RIT2: variants seen among roughly 807,000 people sequenced by gnomAD.
The protein encoded by RIT2 is Ras like without CAAX 2.
RIT2 carries 24 observed loss-of-function variants against 23.7 expected under a neutral mutation model. The observed-to-expected ratio is 1.01, with a 90% CI of 0.73 to 1.43. The LOEUF (loss-of-function observed/expected upper bound fraction) is 1.43. Ranked by LOEUF, RIT2 falls within the 40% of genes most tolerant of loss-of-function variation. RIT2 has a pLI of 0.00. For synonymous variants in RIT2, 107 were observed against 91.1 expected, an observed-to-expected ratio of 1.17 and a Z score of -0.99; for missense variants, 236 against 266.9, an observed-to-expected ratio of 0.88 and a Z score of 0.81.
chr18:42,959,414 T>C (rs1315640931), intron 3 of RIT2, among the ~76,000 whole-genome samples: 1 of 152,224 alleles, frequency 6.6e-6, no homozygotes, highest in Non-Finnish European at 1.5e-5. Context: ...TAACAAGTAC[T>C]ATACTATCAC....
At chr18:42,985,585 G>GAATCATTTTTTA (rs771629437) in intron 2 of RIT2, among the ~76,000 whole-genome samples, 28 of 152,034 alleles carry the variant, frequency 1.8e-4, no homozygotes, top group Non-Finnish European at 3.5e-4. Context: ...ACATACTTAT[G>GAATCATTTTTTA]AATCATTTTT....
At chr18:43,082,696 A>AAC (rs1568076753) in intron 1 of RIT2, among the ~76,000 whole-genome samples, 1 of 152,088 alleles carries the variant, frequency 6.6e-6, no homozygotes, top group African/African-American at 2.4e-5. Flanking sequence ...TGCAAAAAAA[A>AAC]ACACACAATA....
At chr18:42,842,575 G>A (rs1053015059) in intron 4 of RIT2, among the ~76,000 whole-genome samples, 8 of 152,064 alleles carry the variant, frequency 5.3e-5, no homozygotes, top group African/African-American at 1.9e-4. Context: ...CATAAGCAGA[G>A]CTAAGACTTT....
At position 42,862,363 on chromosome 18, in the gene RIT2, C is replaced by G. The variant is rs142095008; in HGVS notation, c.426+61209G>C. Among the ~76,000 whole-genome samples, 196 of 152,238 alleles carry G rather than the reference C, an allele frequency of 1.3e-3. 1 individual carries two copies. The highest frequency in any genetic ancestry group is 4.3e-3 in the African/African-American group (179 of 41,546). On this transcript the variant is annotated intron_variant, in intron 4 of 4. Transcript: ENST00000326695. ...CTGAGGCCTCCCCAGCCATGTGGACCTGTGAGTCAATTAAACCTTTTTCAT... is the reference window on the plus strand; with the variant it reads ...CTGAGGCCTCCCCAGCCATGTGGACGTGTGAGTCAATTAAACCTTTTTCAT...
At chr18:42,826,185 C>T (rs1308096531) in intron 4 of RIT2, among the ~76,000 whole-genome samples, 4 of 151,912 alleles carry the variant, frequency 2.6e-5, no homozygotes, top group African/African-American at 9.7e-5. Flanking sequence ...ACAAAAAATC[C>T]TAATTGGGTT....
intron 4 of RIT2, among the ~76,000 whole-genome samples, chr18:42,789,915 T>G (rs1257253863): frequency 6.6e-6 from 1 of 152,214 alleles, no homozygotes; most frequent in African/African-American, 2.4e-5. Context: ...TTAGAGGGAA[T>G]GCTTTCAACT....
intron 4 of RIT2, among the ~76,000 whole-genome samples, chr18:42,746,939 C>T (rs535603580): frequency 2.0e-5 from 3 of 152,106 alleles, no homozygotes; most frequent in African/African-American, 4.8e-5. Flanking sequence ...AACTCACAGC[C>T]GATGTAGCAC....
intron 4 of RIT2, among the ~76,000 whole-genome samples, chr18:42,872,710 T>C (rs539903791): frequency 6.6e-6 from 1 of 152,228 alleles, no homozygotes; most frequent in East Asian, 1.9e-4. Context: ...AAAGCACTTT[T>C]ATTTTTAAAT....
At chr18:43,034,133 A>G (rs775941378) in intron 1 of RIT2, among the ~76,000 whole-genome samples, 2 of 152,144 alleles carry the variant, frequency 1.3e-5, no homozygotes, top group Non-Finnish European at 2.9e-5. Flanking sequence ...GTAAAAATAA[A>G]GAAGCTCTTG....
intron 4 of RIT2, among the ~76,000 whole-genome samples, chr18:42,768,170 C>T (rs1448212592): frequency 6.6e-6 from 1 of 151,846 alleles, no homozygotes; most frequent in Admixed American, 6.6e-5. Context: ...ATTTATGCTC[C>T]TCACCCTCAC....
chr18:42,925,996 T>G (rs1909171354), intron 3 of RIT2, among the ~76,000 whole-genome samples: 1 of 151,828 alleles, frequency 6.6e-6, no homozygotes, highest in Admixed American at 6.6e-5. Context: ...GATGGCCTCC[T>G]TTTATTCTTA....
chr18:43,033,611 G>C (rs1911907387), intron 2 of RIT2, among the ~76,000 whole-genome samples, 200 bp downstream of exon 2: 1 of 152,096 alleles, frequency 6.6e-6, no homozygotes, highest in Non-Finnish European at 1.5e-5. Context: ...GATAATACCA[G>C]ACTACCCGGC....
chr18:42,911,572 T>C (rs1281752209), intron 4 of RIT2, among the ~76,000 whole-genome samples: 1 of 152,044 alleles, frequency 6.6e-6, no homozygotes, highest in Non-Finnish European at 1.5e-5. Flanking sequence ...TATATACATA[T>C]CTTACAACAT....
At chr18:42,845,188 A>G (rs1906873988) in intron 4 of RIT2, among the ~76,000 whole-genome samples, 1 of 152,054 alleles carries the variant, frequency 6.6e-6, no homozygotes, top group East Asian at 1.9e-4. Context: ...AATAAAATGG[A>G]AGAGATTTTT....
chr18:42,908,389 A>G (rs1908679536), intron 4 of RIT2, among the ~76,000 whole-genome samples: 1 of 152,184 alleles, frequency 6.6e-6, no homozygotes. Flanking sequence ...TCAAATAAAT[A>G]CTGGCTGAAA....
intron 1 of RIT2, among the ~76,000 whole-genome samples, chr18:43,114,123 C>T (rs980417528): frequency 3.3e-5 from 5 of 152,080 alleles, no homozygotes; most frequent in African/African-American, 7.2e-5. Context: ...CTCATTTATA[C>T]ACAATTACAA....
chr18:42,867,512 G>T (rs932764052), intron 4 of RIT2, among the ~76,000 whole-genome samples: 1 of 152,066 alleles, frequency 6.6e-6, no homozygotes, highest in African/African-American at 2.4e-5. Flanking sequence ...AATGCTATTG[G>T]AAGGGCATAG....
chr18:43,041,542 A>G lies in RIT2; in HGVS notation c.104-7675T>C, dbSNP rs568931055. ...TAAATGTAGTGTTTCCAAGGACTTT[A>G]TAAAATATTCATTAAGTACATATAA... On this transcript the variant is annotated intron_variant, in intron 1 of 4. Transcript: ENST00000326695. 2.6e-5 allele frequency among the ~76,000 whole-genome samples: 4 copies of G among 152,294 alleles called. No homozygotes were observed. In the East Asian group the frequency reaches 5.8e-4, roughly 22 times the overall value.
chr18:43,083,244 G>C (rs1384637201), intron 1 of RIT2, among the ~76,000 whole-genome samples: 1 of 151,998 alleles, frequency 6.6e-6, no homozygotes, highest in Non-Finnish European at 1.5e-5. Context: ...ACAAACAAAT[G>C]GAAAAACATT....
Sources: allele counts gnomAD v4.1 joint callset (sites outside exome capture counted in the v4.1 genomes callset), GRCh38; gene constraint gnomAD v4.1.1; transcripts MANE v1.5; gene names NCBI Gene and HGNC (gene_info 2026-07-23, HGNC 2026-07-21).